The following APBA1 variants were observed in gnomAD, a reference collection of about 807,000 sequenced individuals.
APBA1 encodes the protein amyloid-beta A4 precursor protein-binding family A member 1.
Under a neutral mutation model 86.6 loss-of-function variants are expected in APBA1, and 55 were observed. The observed-to-expected ratio is 0.64, with a 90% CI of 0.51 to 0.80. The LOEUF (loss-of-function observed/expected upper bound fraction) is 0.80. APBA1 is among the 30% of genes least tolerant of loss of function. The probability of loss-of-function intolerance (pLI) is 0.00; values close to 1 mark genes in which losing one functional copy is unlikely to be tolerated. For synonymous variants in APBA1, 511 were observed against 493.9 expected (o/e 1.03, Z -0.46); for missense variants, 1,090 against 1,183.0 (o/e 0.92, Z 1.15).
chr9:69,441,980 T>C (rs920249457), intron 10 of APBA1, among the ~76,000 whole-genome samples: 2 of 152,214 alleles, frequency 1.3e-5, no homozygotes, highest in African/African-American at 4.8e-5. Flanking sequence ...ACAGAAGCCC[T>C]GGTGTGCTCA....
chr9:69,444,934 C>G (rs1430595970), intron 10 of APBA1, among the ~76,000 whole-genome samples: 1 of 152,196 alleles, frequency 6.6e-6, no homozygotes, highest in African/African-American at 2.4e-5. Flanking sequence ...TCACCCTTTT[C>G]TCTCTAATCA....
At chr9:69,595,458 C>A (rs771489968) in intron 1 of APBA1, among the ~76,000 whole-genome samples, 11 of 152,172 alleles carry the variant, frequency 7.2e-5, no homozygotes, top group Admixed American at 6.5e-5. Flanking sequence ...CTCTCCATGG[C>A]TTCGGACTAT....
intron 2 of APBA1, among the ~76,000 whole-genome samples, chr9:69,487,856 C>T (rs769836878): frequency 6.6e-6 from 1 of 152,102 alleles, no homozygotes; most frequent in Non-Finnish European, 1.5e-5. Flanking sequence ...TCCTCCACCC[C>T]AAACACTAGC....
At chr9:69,549,456 G>A (rs774549478) in intron 1 of APBA1, among the ~76,000 whole-genome samples, 2 of 152,148 alleles carry the variant, frequency 1.3e-5, no homozygotes. Context: ...ACCCAAAGTT[G>A]TCTCAAAACC....
chr9:69,485,794 C>G (rs902390649), intron 2 of APBA1, among the ~76,000 whole-genome samples: 8 of 152,116 alleles, frequency 5.3e-5, no homozygotes, highest in Non-Finnish European at 8.8e-5. Context: ...CTAAGTTTTA[C>G]CACCACAGCT....
At chr9:69,597,039 T>A (rs928646360) in intron 1 of APBA1, among the ~76,000 whole-genome samples, 1 of 152,236 alleles carries the variant, frequency 6.6e-6, no homozygotes, top group Non-Finnish European at 1.5e-5. Flanking sequence ...GTTTGGCACA[T>A]TCTGCTTGAG....
At chr9:69,550,612 G>A (rs1194429688) in intron 1 of APBA1, among the ~76,000 whole-genome samples, 1 of 152,200 alleles carries the variant, frequency 6.6e-6, no homozygotes, top group Non-Finnish European at 1.5e-5. Flanking sequence ...AAGCACGAGG[G>A]ATATAAAGTG....
At chr9:69,622,247 G>T (rs2133990780) in intron 1 of APBA1, among the ~76,000 whole-genome samples, 1 of 152,346 alleles carries the variant, frequency 6.6e-6, no homozygotes, top group East Asian at 1.9e-4. Flanking sequence ...CTCACAGTGT[G>T]TAAGAGGCAG....
At chr9:69,579,011 G>A (rs1048152422) in intron 1 of APBA1, among the ~76,000 whole-genome samples, 1 of 152,090 alleles carries the variant, frequency 6.6e-6, no homozygotes, top group East Asian at 1.9e-4. Context: ...AGTGAATGCA[G>A]TTCCAGCAAC....
intron 1 of APBA1, among the ~76,000 whole-genome samples, chr9:69,656,878 G>A (rs566971634): frequency 1.1e-3 from 156 of 138,676 alleles, no homozygotes; most frequent in Non-Finnish European, 2.1e-3. Context: ...TCGCTCTGTC[G>A]CCCAGGCCGG....
chr9:69,606,478 G>GCT (rs1564090479), intron 1 of APBA1, among the ~76,000 whole-genome samples: 1 of 79,992 alleles, frequency 1.3e-5, no homozygotes, highest in African/African-American at 3.7e-5. Context: ...GAGGGAGCTA[G>GCT]CTTTTTTTTT....
intron 1 of APBA1, among the ~76,000 whole-genome samples, chr9:69,525,165 C>T (rs1449189092): frequency 6.6e-6 from 1 of 152,146 alleles, no homozygotes; most frequent in African/African-American, 2.4e-5. Flanking sequence ...CCTTTGAGAA[C>T]TGGAACAAGG....
chr9:69,427,915 C>G lies in APBA1; in HGVS notation c.*3412G>C, dbSNP rs1451575423. ...CAGAACAATAGTACAAGTTCATACTCTAGGTGCTGTGCTAAGTATGTACAA... is the reference window on the plus strand; with the variant it reads ...CAGAACAATAGTACAAGTTCATACTGTAGGTGCTGTGCTAAGTATGTACAA... On this transcript the variant is annotated 3_prime_UTR_variant, in exon 13 of 13. Coordinates refer to ENST00000265381, the MANE Select transcript of APBA1 (RefSeq NM_001163.4). The G allele has an allele frequency of 6.6e-6, 1 of 152,196 alleles. No individual in the cohort carries two copies. Among genetic ancestry groups the G allele is most frequent in the Non-Finnish European group, 1.5e-5 (1 of 68,046 alleles). The allele number at this position is 152,196 out of a possible 1,614,324, so 9.4% of individuals were successfully genotyped here.
intron 1 of APBA1, among the ~76,000 whole-genome samples, chr9:69,537,112 C>T (rs904263525): frequency 1.3e-5 from 2 of 151,310 alleles, no homozygotes; most frequent in Non-Finnish European, 1.5e-5. Context: ...AATTTCCCCC[C>T]ATCTCCAAAG....
intron 1 of APBA1, among the ~76,000 whole-genome samples, chr9:69,553,117 G>A (rs1004460767): frequency 6.6e-5 from 10 of 152,122 alleles, no homozygotes; most frequent in Admixed American, 1.3e-4. Context: ...TGTTGCCCAC[G>A]TTAGTGTTGA....
At chr9:69,631,604 T>A (rs1215771744) in intron 1 of APBA1, among the ~76,000 whole-genome samples, 1 of 152,196 alleles carries the variant, frequency 6.6e-6, no homozygotes, top group Admixed American at 6.5e-5. Context: ...GACACATGCA[T>A]ACGCATGTTT....
chr9:69,440,867 G>A (rs919903066), intron 11 of APBA1, 129 bp downstream of exon 11: 2 of 1,200,238 alleles, frequency 1.7e-6, no homozygotes, highest in African/African-American at 3.0e-5. Context: ...CCCGTCTTCT[G>A]CATCACTCAC....
chr9:69,547,763 G>A (rs1836721246), intron 1 of APBA1, among the ~76,000 whole-genome samples: 1 of 152,210 alleles, frequency 6.6e-6, no homozygotes, highest in South Asian at 2.1e-4. Flanking sequence ...AAGGCTGGAA[G>A]AAGATCCAAG....
chr9:69,590,015 C>T (rs1432307166), intron 1 of APBA1, among the ~76,000 whole-genome samples: 1 of 152,148 alleles, frequency 6.6e-6, no homozygotes, highest in African/African-American at 2.4e-5. Flanking sequence ...GCTCTTTTCA[C>T]CCTCCTTCCC....
Sources: gnomAD v4.1 joint callset for allele counts (sites outside exome capture counted in the v4.1 genomes callset) on GRCh38, gnomAD v4.1.1 for gene constraint, MANE v1.5 for transcripts, NCBI Gene and HGNC (gene_info 2026-07-23, HGNC 2026-07-21) for gene names.